Variants in CCR9 observed in about 807,000 individuals in gnomAD.
CCR9 encodes C-C motif chemokine receptor 9.
A neutral mutation model predicts 8.7 loss-of-function variants in CCR9; 4 were observed. The ratio of observed to expected loss-of-function variants is 0.46; its 90% CI spans 0.23 to 1.06. CCR9 has a LOEUF of 1.06. Ranked by LOEUF, CCR9 falls within the 50% of genes least tolerant of loss-of-function variation. The pLI is 0.21. For synonymous variants in CCR9, 159 were observed against 168.8 expected (o/e 0.94, Z 0.45); for missense variants, 394 against 453.6 (o/e 0.87, Z 1.19).
chr3:45,897,480 C>G, intron 2 of CCR9: 1 of 844,840 alleles, frequency 1.2e-6, no homozygotes, highest in Non-Finnish European at 1.9e-6. Context: ...GTTAGCTGTG[C>G]CTGCTCACCG....
In CCR9 at chr3:45,901,044, T is replaced by C. The variant is rs1252808706; in HGVS notation, c.256T>C (p.Phe86Leu). 1 of 1,614,218 alleles carries C rather than the reference T, an allele frequency of 6.2e-7. No individual in the cohort carries two copies. The highest frequency in any genetic ancestry group is 1.7e-5 in the Admixed American group (1 of 60,028). Residue 86 changes from phenylalanine to leucine, a missense_variant, in exon 3 of 3, where the codon TTC becomes CTC. Coordinates refer to ENST00000357632, the MANE Select transcript of CCR9 (RefSeq NM_031200.3). This position sits in a 1 kb window ranked among gnomAD's most constrained non-coding sequence, Gnocchi z 4.3. ...AAGAGTGAAGACCATGACCGACATG[T>C]TCCTTTTGAATTTGGCAATTGCTGA... ...CTRVKTMTDM[F>L]LLNLAIADLL...
Position 45,902,180 on chromosome 3 carries a change from G to A in CCR9, c.*282G>A, listed in dbSNP as rs552970086. ...GAGCACCCTGGCTTTGCCACTCGCC[G>A]GAGCATCAATGCCGCTGCCTCTGGA... On this transcript the variant is annotated 3_prime_UTR_variant, in exon 3 of 3. Transcript: ENST00000357632. 1.2e-5 allele frequency: 4 copies of A among 320,028 alleles called. No individual in the cohort carries two copies. The East Asian group carries it at 2.2e-4, about 18-fold the overall frequency. The allele number at this position is 320,028 out of a possible 1,614,324, so 19.8% of individuals were successfully genotyped here.
At chr3:45,888,102 A>G (rs1337319548) in intron 1 of CCR9, among the ~76,000 whole-genome samples, 1 of 152,222 alleles carries the variant, frequency 6.6e-6, no homozygotes, top group Non-Finnish European at 1.5e-5. Context: ...TAGTGATTGG[A>G]TAATAATAGG....
At chr3:45,894,718 A>AC (rs1702296337) in intron 1 of CCR9, among the ~76,000 whole-genome samples, 188 bp from the exon 2 acceptor site, 2 of 152,220 alleles carry the variant, frequency 1.3e-5, no homozygotes, top group African/African-American at 2.4e-5. Context: ...GGAGAGGTTC[A>AC]TTCATTTCTG....
chr3:45,889,722 T>C (rs1325134407), intron 1 of CCR9, among the ~76,000 whole-genome samples: 4 of 151,974 alleles, frequency 2.6e-5, no homozygotes, highest in Admixed American at 2.6e-4. Flanking sequence ...ACATAAGTCT[T>C]CCTACATGTT....
chr3:45,890,907 C>A (rs1702159286), intron 1 of CCR9, among the ~76,000 whole-genome samples: 1 of 152,166 alleles, frequency 6.6e-6, no homozygotes, highest in South Asian at 2.1e-4. Context: ...AAGAAATGTT[C>A]ATAATCCGTT....
In CCR9 at chr3:45,900,742, C is replaced by A. The variant is rs924477396; in HGVS notation, c.22-68C>A. The A allele has an allele frequency of 3.3e-6, 5 of 1,520,556 alleles. No individual in the cohort carries two copies. Among genetic ancestry groups the A allele is most frequent in the Admixed American group, 3.7e-5 (2 of 54,352 alleles). 94.2% of individuals were successfully genotyped at this position (1,520,556 alleles called of 1,614,324 possible). On this transcript the variant is annotated intron_variant, in intron 2 of 2. Transcript: ENST00000357632. The surrounding 1 kb of genome is among the most constrained non-coding windows in gnomAD (Gnocchi z 4.7). ...GGTTGGAAGGGTCAAGAGGTCCATG[C>A]CTCTGCCATCAGACAGGACCTTCAA...
chr3:45,894,941 C>A lies in CCR9; in HGVS notation c.8C>A (p.Pro3His). 6.2e-7 allele frequency: 1 copy of A among 1,614,006 alleles called. No homozygotes were observed. Among genetic ancestry groups the A allele is most frequent in the Non-Finnish European group, 8.5e-7 (1 of 1,179,938 alleles). ...GCATCTGACTGACCCACCATGACAC[C>A]CACAGACTTCACAGTGAGTACAGCC... Reference protein sequence around the residue: MTPTDFTSPIPNM... With the variant: MTHTDFTSPIPNM... The change falls in exon 2 of 3, where the codon CCC becomes CAC. Residue 3 changes from proline to histidine, a missense_variant. Coordinates refer to ENST00000357632, the MANE Select transcript of CCR9 (RefSeq NM_031200.3).
At chr3:45,886,237 G>C (rs1007400741), upstream of CCR9, among the ~76,000 whole-genome samples, 7 of 152,146 alleles carry the variant, frequency 4.6e-5, no homozygotes, top group Admixed American at 6.5e-5. Flanking sequence ...CCTCTGGCAA[G>C]CCTGACAAGG....
intron 2 of CCR9, among the ~76,000 whole-genome samples, chr3:45,895,529 A>T (rs530698556): frequency 2.2e-4 from 34 of 152,334 alleles, no homozygotes; most frequent in African/African-American, 7.0e-4. Context: ...AGCCTGCCCA[A>T]CATGGCAAAA....
intron 1 of CCR9, among the ~76,000 whole-genome samples, chr3:45,889,402 T>A (rs760207386): frequency 2.0e-5 from 3 of 152,226 alleles, no homozygotes; most frequent in African/African-American, 4.8e-5. Context: ...TTGCTCTTTC[T>A]GCGGTAGCTG....
Position 45,901,860 on chromosome 3 carries a change from A to G in CCR9, c.1072A>G (p.Met358Val), listed in dbSNP as rs201277467. The stretch of plus-strand genomic sequence containing the variant: ...AGAGGGAAGCTTGAAGCTGTCGTCT[A>G]TGTTGCTGGAGACAACCTCAGGAGC... The part of the protein sequence containing the change: ...RREGSLKLSS[M>V]LLETTSGALS... Residue 358 changes from methionine (M) to valine (V), a missense_variant, in exon 3 of 3, where the codon ATG becomes GTG. Met to Val is a conservative substitution (Grantham distance 21). Coordinates refer to ENST00000357632, the MANE Select transcript of CCR9 (RefSeq NM_031200.3). The surrounding 1 kb of genome is among the most constrained non-coding windows in gnomAD (Gnocchi z 4.3). 2.5e-6 allele frequency: 4 copies of G among 1,609,538 alleles called. No homozygotes were observed. Among genetic ancestry groups the G allele is most frequent in the East Asian group, 2.2e-5 (1 of 44,736 alleles).
rs554356256 is a variant in CCR9, at chr3:45,898,964, G to A, written c.22-1846G>A. Among the ~76,000 whole-genome samples the A allele has an allele frequency of 7.9e-5, 12 of 152,218 alleles. No homozygotes were observed. In the East Asian group the frequency reaches 1.9e-3, roughly 24 times the overall value. ...GGGTGGATTACGAGGTCAGAAGTTC[G>A]AGACCAGCCTGACCAACATGGTGAA... On this transcript the variant is annotated intron_variant, in intron 2 of 2. Coordinates refer to ENST00000357632, the MANE Select transcript of CCR9 (RefSeq NM_031200.3).
At chr3:45,893,582 G>T (rs1454298482) in intron 1 of CCR9, among the ~76,000 whole-genome samples, 1 of 152,172 alleles carries the variant, frequency 6.6e-6, no homozygotes, top group African/African-American at 2.4e-5. Flanking sequence ...CTTTGGTCTG[G>T]CTACTTGGCA....
chr3:45,890,273 T>TATATATATTTATATAAATATATATATAAC (rs1559421353), intron 1 of CCR9, among the ~76,000 whole-genome samples: 286 of 20,890 alleles, frequency 0.014, 103 homozygotes, highest in African/African-American at 0.028. Context: ...ATATATAACA[T>TATATATATTTATATAAATATATATATAAC]ATATATATAT....
chr3:45,897,706 C>A, intron 2 of CCR9: 3 of 1,099,216 alleles, frequency 2.7e-6, no homozygotes, highest in South Asian at 1.5e-5. Context: ...GAACCAAAGT[C>A]GTCCCTTGTG....
chr3:45,896,207 T>G (rs773555984), intron 2 of CCR9, among the ~76,000 whole-genome samples: 1 of 152,216 alleles, frequency 6.6e-6, no homozygotes, highest in Admixed American at 6.5e-5. Flanking sequence ...GAAACAGAAG[T>G]AGATGAAGGC....
At position 45,901,985 on chromosome 3, in the gene CCR9, AAG is replaced by A; in HGVS notation, c.*91_*92del. On this transcript the variant is annotated 3_prime_UTR_variant, in exon 3 of 3. Transcript: ENST00000357632. The surrounding 1 kb of genome is among the most constrained non-coding windows in gnomAD (Gnocchi z 4.3). ...CCACTGATGGGACCAGAGAGAGTGA[AAG>A]AGAAAAGAAAACTCAGAAAGGGATG... The A allele has an allele frequency of 8.8e-7, 1 of 1,132,726 alleles. No individual in the cohort carries two copies. Among genetic ancestry groups the A allele is most frequent in the Non-Finnish European group, 1.3e-6 (1 of 797,928 alleles). The allele number at this position is 1,132,726 out of a possible 1,614,324, so 70.2% of individuals were successfully genotyped here.
intron 1 of CCR9, among the ~76,000 whole-genome samples, chr3:45,888,647 T>C (rs1277129895): frequency 6.6e-6 from 1 of 152,186 alleles, no homozygotes; most frequent in Non-Finnish European, 1.5e-5. Context: ...GACAGACCGC[T>C]GAGATGGTCC....
Sources: allele counts gnomAD v4.1 joint callset (sites outside exome capture counted in the v4.1 genomes callset), GRCh38; gene constraint gnomAD v4.1.1; non-coding constraint Gnocchi (gnomAD v3.1); transcripts MANE v1.5; gene names NCBI Gene and HGNC (gene_info 2026-07-23, HGNC 2026-07-21).